MCC: variants seen among roughly 807,000 people sequenced by gnomAD.
MCC encodes the protein MCC regulator of Wnt signaling pathway.
In MCC, 90 loss-of-function variants were observed where a neutral mutation model predicts 116.2. The ratio of observed to expected loss-of-function variants is 0.77; its 90% CI spans 0.65 to 0.92. MCC has a LOEUF of 0.92. Ranked by LOEUF, MCC falls within the 40% of genes least tolerant of loss-of-function variation. The probability of loss-of-function intolerance (pLI) is 0.00; values close to 1 mark genes in which losing one functional copy is unlikely to be tolerated. For synonymous variants in MCC, 578 were observed against 510.5 expected (o/e 1.13, Z -1.78); for missense variants, 1,516 against 1,312.2 (o/e 1.16, Z -2.40).
intron 3 of MCC, chr5:113,294,548 A>G: frequency 7.2e-7 from 1 of 1,396,324 alleles, no homozygotes; most frequent in Non-Finnish European, 9.3e-7. Flanking sequence ...GGATGCAGGC[A>G]CTCTTAAAAA....
At chr5:113,212,114 T>C (rs1234029917) in intron 3 of MCC, among the ~76,000 whole-genome samples, 3 of 152,256 alleles carry the variant, frequency 2.0e-5, no homozygotes, top group East Asian at 1.9e-4. Flanking sequence ...TAAAAACTAA[T>C]GGCTGTTTGA....
chr5:113,134,870 T>C (rs1001626084), intron 5 of MCC, among the ~76,000 whole-genome samples: 4 of 151,938 alleles, frequency 2.6e-5, no homozygotes, highest in Admixed American at 6.6e-5. Context: ...CATGGGGATC[T>C]TTCCACTTGT....
At chr5:113,487,107 A>T (rs1221713406) in intron 1 of MCC, among the ~76,000 whole-genome samples, 1 of 152,144 alleles carries the variant, frequency 6.6e-6, no homozygotes, top group Non-Finnish European at 1.5e-5. Flanking sequence ...GCAAAGTAAT[A>T]AAAATTCACC....
intron 1 of MCC, among the ~76,000 whole-genome samples, chr5:113,390,901 C>T (rs1190008095): frequency 6.6e-6 from 1 of 152,078 alleles, no homozygotes; most frequent in African/African-American, 2.4e-5. Flanking sequence ...TATTTTGCCC[C>T]AAATCTTCAA....
At chr5:113,067,218 C>G (rs1174259250) in intron 13 of MCC, among the ~76,000 whole-genome samples, 1 of 152,120 alleles carries the variant, frequency 6.6e-6, no homozygotes, top group Non-Finnish European at 1.5e-5. Flanking sequence ...CACAGGATCC[C>G]CGGGCTGGGG....
intron 1 of MCC, among the ~76,000 whole-genome samples, chr5:113,469,355 T>C (rs1490349294): frequency 6.6e-6 from 1 of 152,200 alleles, no homozygotes; most frequent in Non-Finnish European, 1.5e-5. Context: ...CTGCTTTGAA[T>C]GTGTCCCAGA....
At chr5:113,176,166 G>T (rs1412530271) in intron 3 of MCC, among the ~76,000 whole-genome samples, 1 of 152,130 alleles carries the variant, frequency 6.6e-6, no homozygotes, top group Non-Finnish European at 1.5e-5. Flanking sequence ...AGGATTTCTT[G>T]CTGAGAAATA....
intron 3 of MCC, among the ~76,000 whole-genome samples, chr5:113,303,117 TG>T (rs1766902144): frequency 2.0e-5 from 3 of 152,170 alleles, no homozygotes; most frequent in Admixed American, 1.3e-4. Flanking sequence ...CCATGTTGGA[TG>T]TGTTAAATCT....
intron 2 of MCC, among the ~76,000 whole-genome samples, chr5:113,348,096 G>A (rs916118641): frequency 1.3e-5 from 2 of 152,014 alleles, no homozygotes; most frequent in Non-Finnish European, 2.9e-5. Flanking sequence ...GAGAGAGAGA[G>A]ATCTCAATGC....
intron 1 of MCC, among the ~76,000 whole-genome samples, chr5:113,467,732 T>C (rs1771956307): frequency 6.6e-6 from 1 of 152,226 alleles, no homozygotes; most frequent in African/African-American, 2.4e-5. Context: ...AAGTCATTGG[T>C]AGCTTGATGG....
intron 1 of MCC, among the ~76,000 whole-genome samples, chr5:113,472,936 T>C (rs1772132848): frequency 6.6e-6 from 1 of 152,226 alleles, no homozygotes; most frequent in African/African-American, 2.4e-5. Context: ...GGTTCATTCA[T>C]TCAATGTTGC....
intron 1 of MCC, among the ~76,000 whole-genome samples, chr5:113,429,267 G>A (rs890248695): frequency 1.7e-4 from 26 of 151,458 alleles, no homozygotes; most frequent in African/African-American, 6.1e-4. Context: ...CTTATATGAA[G>A]AGACAGAAAG....
intron 1 of MCC, among the ~76,000 whole-genome samples, chr5:113,402,111 G>A (rs1011623018): frequency 1.3e-4 from 20 of 151,952 alleles, no homozygotes; most frequent in African/African-American, 3.9e-4. Flanking sequence ...TGGCTAACAC[G>A]GTGGAATCCC....
chr5:113,068,064 C>T lies in MCC; in HGVS notation c.2029+16G>A, dbSNP rs1753747315. ...AGGGAGACAAGAGGAGGAAGAGGGA[C>T]TCTGGAGACACTTACCAGGGGAGGA... On this transcript the variant is annotated intron_variant, in intron 13 of 18. Transcript: ENST00000408903. 6.2e-7 allele frequency: 1 copy of T among 1,607,284 alleles called. No homozygotes were observed. Among genetic ancestry groups the T allele is most frequent in the African/African-American group, 1.3e-5 (1 of 74,824 alleles).
chr5:113,108,712 G>A (rs1255943680), intron 6 of MCC, among the ~76,000 whole-genome samples: 4 of 151,540 alleles, frequency 2.6e-5, no homozygotes, highest in African/African-American at 9.7e-5. Flanking sequence ...ACAAGGCAGA[G>A]AGCTGGCAAG....
chr5:113,330,828 C>A (rs2150374670), intron 3 of MCC, among the ~76,000 whole-genome samples: 1 of 152,184 alleles, frequency 6.6e-6, no homozygotes, highest in East Asian at 1.9e-4. Context: ...AAAACATGAA[C>A]CTCTGTTGAA....
chr5:113,188,518 T>C (rs1473485422), intron 3 of MCC, among the ~76,000 whole-genome samples: 1 of 152,206 alleles, frequency 6.6e-6, no homozygotes, highest in Non-Finnish European at 1.5e-5. Flanking sequence ...GAAGGCTTTA[T>C]GTTTTCATAT....
At chr5:113,448,991 ATTGT>A (rs143983260) in intron 1 of MCC, among the ~76,000 whole-genome samples, 3,529 of 152,318 alleles carry the variant, frequency 0.023, 147 homozygotes, top group African/African-American at 0.081. Flanking sequence ...AAAAGTTAAC[ATTGT>A]TTGTTGGATG....
intron 3 of MCC, among the ~76,000 whole-genome samples, chr5:113,284,622 G>A (rs1446804152): frequency 6.6e-6 from 1 of 152,116 alleles, no homozygotes; most frequent in Non-Finnish European, 1.5e-5. Context: ...CCTTCTTCAG[G>A]CCTCAGTTTC....
Sources: allele counts gnomAD v4.1 joint callset (sites outside exome capture counted in the v4.1 genomes callset), GRCh38; gene constraint gnomAD v4.1.1; transcripts MANE v1.5; gene names NCBI Gene and HGNC (gene_info 2026-07-23, HGNC 2026-07-21).